The following TRMT61B variants were observed in gnomAD, a reference collection of about 807,000 sequenced individuals.
The protein encoded by TRMT61B is tRNA (adenine(58)-N(1))-methyltransferase, mitochondrial.
In TRMT61B, 56 loss-of-function variants were observed where a neutral mutation model predicts 52.0. That is an observed-to-expected ratio of 1.08 (90% CI 0.87 to 1.35). The LOEUF (loss-of-function observed/expected upper bound fraction) is 1.35, where lower values mean the gene tolerates loss of function less well. TRMT61B is among the 40% of genes most tolerant of loss of function. TRMT61B has a pLI of 0.00. For synonymous variants in TRMT61B, 206 were observed against 220.0 expected, an observed-to-expected ratio of 0.94 and a Z score of 0.56; for missense variants, 650 against 577.9, an observed-to-expected ratio of 1.12 and a Z score of -1.28.
intron 1 of TRMT61B, among the ~76,000 whole-genome samples, chr2:28,866,948 A>C (rs928903049): frequency 2.0e-5 from 3 of 151,888 alleles, no homozygotes; most frequent in Non-Finnish European, 4.4e-5. Context: ...GGCATGTACC[A>C]CCATGCCCAA....
chr2:28,852,796 GAA>G (rs964551026), intron 3 of TRMT61B, among the ~76,000 whole-genome samples: 2 of 139,534 alleles, frequency 1.4e-5, no homozygotes, highest in African/African-American at 2.6e-5. Flanking sequence ...TGACTCTATT[GAA>G]AAAAAAAAAA....
chr2:28,860,235 G>A (rs1248574421), intron 3 of TRMT61B, among the ~76,000 whole-genome samples: 1 of 111,738 alleles, frequency 8.9e-6, no homozygotes, highest in Non-Finnish European at 1.7e-5. Flanking sequence ...CTGTACCACT[G>A]CACTCCACCC....
intron 3 of TRMT61B, 57 bp from the exon 4 acceptor site, chr2:28,852,556 G>T: frequency 8.6e-7 from 1 of 1,164,460 alleles, no homozygotes; most frequent in Admixed American, 2.1e-5. Flanking sequence ...TAAAGCATAA[G>T]TTTTCTTATT....
At chr2:28,866,393 C>G (rs1320702194) in intron 1 of TRMT61B, among the ~76,000 whole-genome samples, 1 of 152,176 alleles carries the variant, frequency 6.6e-6, no homozygotes, top group Admixed American at 6.5e-5. Flanking sequence ...TTTCCACAGA[C>G]TGGGGAGAGG....
chr2:28,864,547 A>G (rs987664720), intron 2 of TRMT61B, among the ~76,000 whole-genome samples: 2 of 152,188 alleles, frequency 1.3e-5, no homozygotes, highest in African/African-American at 4.8e-5. Flanking sequence ...AGGAGGCAAA[A>G]CTAATCAGTG....
chr2:28,855,421 G>A (rs954544955), intron 3 of TRMT61B, among the ~76,000 whole-genome samples: 1 of 152,196 alleles, frequency 6.6e-6, no homozygotes, highest in African/African-American at 2.4e-5. Flanking sequence ...AAGGAAGGAT[G>A]ACAGTGGCTT....
At chr2:28,850,430 A>G in intron 5 of TRMT61B, 25 bp from the exon 6 acceptor site, 1 of 1,400,902 alleles carries the variant, frequency 7.1e-7, no homozygotes, top group Middle Eastern at 2.1e-4. Context: ...TATATGTACT[A>G]TAAGCTACAT....
chr2:28,853,633 T>C (rs1558339720), intron 3 of TRMT61B, among the ~76,000 whole-genome samples: 1 of 152,072 alleles, frequency 6.6e-6, no homozygotes, highest in Non-Finnish European at 1.5e-5. Flanking sequence ...GTCAGGAGTT[T>C]GAGAGTAGCC....
chr2:28,853,391 G>C (rs1304215495), intron 3 of TRMT61B, among the ~76,000 whole-genome samples: 1 of 152,072 alleles, frequency 6.6e-6, no homozygotes, highest in African/African-American at 2.4e-5. Flanking sequence ...GCCCAGGCTG[G>C]TCTTGAACTC....
At chr2:28,859,818 A>G (rs1281625039) in intron 3 of TRMT61B, among the ~76,000 whole-genome samples, 1 of 152,172 alleles carries the variant, frequency 6.6e-6, no homozygotes, top group Non-Finnish European at 1.5e-5. Flanking sequence ...TATTTTTGAC[A>G]TTCCTATGGA....
chr2:28,857,259 T>A (rs968096021), intron 3 of TRMT61B, among the ~76,000 whole-genome samples: 3 of 152,094 alleles, frequency 2.0e-5, no homozygotes, highest in African/African-American at 2.4e-5. Context: ...TTTAATTTTT[T>A]AATATTTCTT....
At chr2:28,859,972 G>A (rs887287946) in intron 3 of TRMT61B, among the ~76,000 whole-genome samples, 2 of 151,942 alleles carry the variant, frequency 1.3e-5, no homozygotes, top group Non-Finnish European at 2.9e-5. Flanking sequence ...AGCCAGTGCT[G>A]ATAAAAATCA....
At position 28,870,290 on chromosome 2, in the gene TRMT61B, A is replaced by G; in HGVS notation, c.-13T>C. 1 of 1,531,636 alleles carries G rather than the reference A, an allele frequency of 6.5e-7. No individual in the cohort carries two copies. Among genetic ancestry groups the G allele is most frequent in the South Asian group, 1.2e-5 (1 of 80,978 alleles). The allele number at this position is 1,531,636 out of a possible 1,614,324, so 94.9% of individuals were successfully genotyped here. ...ATGCCATTAGCATAGTGTTTCGCGA[A>G]GGCGCCGTCGCAGACGAGTGACGCA... On this transcript the variant is annotated 5_prime_UTR_variant, in exon 1 of 7. Coordinates refer to ENST00000306108, the MANE Select transcript of TRMT61B (RefSeq NM_017910.4).
intron 3 of TRMT61B, among the ~76,000 whole-genome samples, chr2:28,858,224 T>C (rs1669431002): frequency 6.6e-6 from 1 of 151,846 alleles, no homozygotes. Context: ...GTATTTTTAG[T>C]AGAGATGGGG....
intron 1 of TRMT61B, among the ~76,000 whole-genome samples, chr2:28,868,969 A>C (rs1669965425): frequency 6.6e-6 from 1 of 152,126 alleles, no homozygotes; most frequent in African/African-American, 2.4e-5. Flanking sequence ...GCAACACTGC[A>C]CTCCAGCCTG....
chr2:28,861,473 C>G (rs1394380016), intron 2 of TRMT61B, 165 bp from the exon 3 acceptor site: 11 of 608,790 alleles, frequency 1.8e-5, no homozygotes, highest in Non-Finnish European at 3.0e-5. Context: ...ATCTCCCTCC[C>G]TCTTCAGAGG....
intron 2 of TRMT61B, among the ~76,000 whole-genome samples, chr2:28,864,034 A>C (rs991910872): frequency 5.9e-5 from 9 of 152,098 alleles, no homozygotes; most frequent in Non-Finnish European, 1.0e-4. Flanking sequence ...ATATATGTTT[A>C]ATATACACCT....
chr2:28,851,110 A>G lies in TRMT61B; in HGVS notation c.1274T>C (p.Ile425Thr), dbSNP rs1572527286. The G allele has an allele frequency of 1.9e-6, 3 of 1,610,724 alleles. No individual in the cohort carries two copies. Among genetic ancestry groups the G allele is most frequent in the East Asian group, 2.2e-5 (1 of 44,748 alleles). ...TDVQLDSQEK[I>T]GVKGELFQED... The stretch of plus-strand genomic sequence containing the variant: ...TTGAAACAGCTCACCTTTAACTCCA[A>G]TTTTCTCTTGAGAATCTAGTTGTAC... Residue 425 changes from isoleucine (I) to threonine (T), a missense_variant, in exon 5 of 7, where the codon ATT (isoleucine) becomes ACT (threonine). By Grantham distance (89) the Ile-to-Thr change is moderately conservative. Coordinates refer to ENST00000306108, the MANE Select transcript of TRMT61B (RefSeq NM_017910.4).
At chr2:28,852,043 T>C (rs929155846) in intron 4 of TRMT61B, among the ~76,000 whole-genome samples, 1 of 151,736 alleles carries the variant, frequency 6.6e-6, no homozygotes, top group African/African-American at 2.4e-5. Context: ...CTGGGCGTGG[T>C]GGCTCAAGCC....
Sources: allele counts gnomAD v4.1 joint callset (sites outside exome capture counted in the v4.1 genomes callset), GRCh38; gene constraint gnomAD v4.1.1; transcripts MANE v1.5; gene names NCBI Gene and HGNC (gene_info 2026-07-23, HGNC 2026-07-21).